CYS1: variants seen among roughly 807,000 people sequenced by gnomAD.
The protein encoded by CYS1 is cystin 1.
Under a neutral mutation model 9.6 loss-of-function variants are expected in CYS1, and 5 were observed. The ratio of observed to expected loss-of-function variants is 0.52; its 90% CI spans 0.27 to 1.10. The LOEUF is 1.10. Ranked by LOEUF, CYS1 falls within the 50% of genes least tolerant of loss-of-function variation. The probability of loss-of-function intolerance (pLI) is 0.11; values close to 1 mark genes in which losing one functional copy is unlikely to be tolerated. For synonymous variants in CYS1, 88 were observed against 95.7 expected (o/e 0.92, Z 0.47); for missense variants, 221 against 207.9 (o/e 1.06, Z -0.39).
In CYS1 at chr2:10,080,317, G is replaced by T; in HGVS notation, c.-94C>A. ...CTAGGGGGTGCGGCCGGGGCGGGCT[G>T]CAGGGGGAGGCGCGGGGCGAGGTCC... On this transcript the variant is annotated 5_prime_UTR_variant, in exon 1 of 3. Coordinates refer to ENST00000381813, the MANE Select transcript of CYS1 (RefSeq NM_001037160.3). The surrounding 1 kb of genome is among the most constrained non-coding windows in gnomAD (Gnocchi z 6.4). 1 of 786,398 alleles carries T rather than the reference G, an allele frequency of 1.3e-6. No homozygotes were observed. The highest frequency in any genetic ancestry group is 1.5e-6 in the Non-Finnish European group (1 of 645,480). The allele number at this position is 786,398 out of a possible 1,614,324, so 48.7% of individuals were successfully genotyped here. A position where few individuals can be genotyped will look rare whatever the true frequency, so the allele number is the denominator to read the frequency against.
intron 1 of CYS1, 109 bp downstream of exon 1, chr2:10,079,797 A>G (rs1215065296): frequency 1.5e-5 from 10 of 658,030 alleles, no homozygotes; most frequent in Non-Finnish European, 1.9e-5. Flanking sequence ...CGCAAGTCGG[A>G]GGCTGGAAGG....
chr2:10,070,592 C>T (rs11677388), intron 1 of CYS1, among the ~76,000 whole-genome samples: 58,319 of 151,860 alleles, frequency 0.38, 11,742 homozygotes, highest in East Asian at 0.61. Flanking sequence ...GTGATCCACT[C>T]GCTTCAGCCT....
rs182884229 is a variant in CYS1, at chr2:10,065,950, C to T, written c.325G>A (p.Ala109Thr). Residue 109 changes from alanine (A) to threonine (T), a missense_variant, in exon 2 of 3, where the codon GCA (alanine) becomes ACA (threonine). Ala to Thr is a moderately conservative substitution (Grantham distance 58, BLOSUM62 0). Transcript: ENST00000381813. ...PTAVAGSAVC[A>T]EQSTEGHPGS... ...GGGTGGCCCTCTGTGCTCTGCTCTG[C>T]GCACACCTTGAGAAAGATGAAATGA... 6.7e-5 allele frequency: 108 copies of T among 1,614,178 alleles called. 1 individual carries two copies. The Admixed American group carries it at 8.8e-4, about 13-fold the overall frequency.
chr2:10,065,846 T>G, intron 2 of CYS1, 58 bp downstream of exon 2: 3 of 1,570,406 alleles, frequency 1.9e-6, no homozygotes, highest in Non-Finnish European at 1.8e-6. Flanking sequence ...TGAGGCTGGC[T>G]GGAGTCAACA....
intron 1 of CYS1, among the ~76,000 whole-genome samples, chr2:10,071,406 G>A (rs1247456841): frequency 1.3e-5 from 2 of 152,176 alleles, no homozygotes; most frequent in Admixed American, 1.3e-4. Flanking sequence ...CTGGCGTAGG[G>A]ACCTGACTTT....
At chr2:10,077,012 C>T (rs1661853012) in intron 1 of CYS1, among the ~76,000 whole-genome samples, 1 of 152,196 alleles carries the variant, frequency 6.6e-6, no homozygotes, top group Non-Finnish European at 1.5e-5. Flanking sequence ...AAACCTGCCC[C>T]TTCCACATTT....
intron 2 of CYS1, among the ~76,000 whole-genome samples, chr2:10,065,191 C>T (rs1332128091): frequency 6.6e-6 from 1 of 152,216 alleles, no homozygotes; most frequent in Admixed American, 6.5e-5. Flanking sequence ...TAGGACCTCC[C>T]AGTGTCTGTT....
chr2:10,079,994 A>G lies in CYS1; in HGVS notation c.230T>C (p.Leu77Pro). 1 of 1,091,622 alleles carries G rather than the reference A, an allele frequency of 9.2e-7. No homozygotes were observed. Among genetic ancestry groups the G allele is most frequent in the Non-Finnish European group, 1.1e-6 (1 of 899,466 alleles). The allele number at this position is 1,091,622 out of a possible 1,614,324, so 67.6% of individuals were successfully genotyped here. The change falls in exon 1 of 3, where the codon CTG becomes CCG. Residue 77 changes from leucine (L) to proline (P), a missense_variant. By Grantham distance (98) the Leu-to-Pro change is moderately conservative. Coordinates refer to ENST00000381813, the MANE Select transcript of CYS1 (RefSeq NM_001037160.3). ...RDETLRLLDE[L>P]LAESAAWGPP... ...GCCCCAGGCCGCCGACTCGGCCAGC[A>G]GCTCGTCCAGCAGGCGCAGCGTCTC... is the stretch of plus-strand genomic sequence containing the variant.
At chr2:10,074,416 CT>C in intron 1 of CYS1, among the ~76,000 whole-genome samples, 1 of 152,202 alleles carries the variant, frequency 6.6e-6, no homozygotes, top group African/African-American at 2.4e-5. Flanking sequence ...ACCTGGATTC[CT>C]CCCTTACCTG....
intron 2 of CYS1, among the ~76,000 whole-genome samples, chr2:10,059,876 T>C (rs2125286833): frequency 6.6e-6 from 1 of 152,298 alleles, no homozygotes; most frequent in South Asian, 2.1e-4. Flanking sequence ...AGACCAGAGC[T>C]CCTGCTCCTG....
chr2:10,067,406 CTTTTTT>C (rs34525296), intron 1 of CYS1, among the ~76,000 whole-genome samples: 5 of 118,112 alleles, frequency 4.2e-5, no homozygotes, highest in Non-Finnish European at 8.5e-5. Context: ...AAATTCTTTT[CTTTTTT>C]TTTTTTTTTT....
At chr2:10,075,671 C>T (rs978657483) in intron 1 of CYS1, among the ~76,000 whole-genome samples, 1 of 152,146 alleles carries the variant, frequency 6.6e-6, no homozygotes, top group African/African-American at 2.4e-5. Flanking sequence ...GCTGGGGTAA[C>T]AGGCAAGAAA....
chr2:10,077,959 A>C (rs914956042), intron 1 of CYS1, among the ~76,000 whole-genome samples: 2 of 152,010 alleles, frequency 1.3e-5, no homozygotes, highest in African/African-American at 4.8e-5. Flanking sequence ...AAAATACAAA[A>C]ATTGGGCGTG....
intron 2 of CYS1, among the ~76,000 whole-genome samples, chr2:10,065,107 C>G (rs1346598037): frequency 6.6e-6 from 1 of 152,136 alleles, no homozygotes; most frequent in Non-Finnish European, 1.5e-5. Context: ...TTTCCCGAGA[C>G]CATGCCCCTC....
rs990926219 is a variant in CYS1 at position 10,058,731 on chromosome 2, T to C, written c.*122A>G. The stretch of plus-strand genomic sequence containing the variant: ...GAAAGTGGATTTGAAAGGGCAGCTT[T>C]GAATATCCGGGAGTGACTGCGTTTT... On this transcript the variant is annotated 3_prime_UTR_variant, in exon 3 of 3. Coordinates refer to ENST00000381813, the MANE Select transcript of CYS1 (RefSeq NM_001037160.3). 1 of 817,512 alleles carries C rather than the reference T, an allele frequency of 1.2e-6. No individual in the cohort carries two copies. Among genetic ancestry groups the C allele is most frequent in the Non-Finnish European group, 1.9e-6 (1 of 539,088 alleles). The allele number at this position is 817,512 out of a possible 1,614,324, so 50.6% of individuals were successfully genotyped here. A position where few individuals can be genotyped will look rare whatever the true frequency, so the allele number is the denominator to read the frequency against.
chr2:10,079,740 G>A (rs1661912299), intron 1 of CYS1, among the ~76,000 whole-genome samples, 166 bp downstream of exon 1: 1 of 151,928 alleles, frequency 6.6e-6, no homozygotes, highest in Non-Finnish European at 1.5e-5. Flanking sequence ...CAGAGAGGGA[G>A]GAAACCTGGG....
intron 2 of CYS1, among the ~76,000 whole-genome samples, chr2:10,062,983 C>G (rs937265600): frequency 1.3e-5 from 2 of 152,218 alleles, no homozygotes; most frequent in Non-Finnish European, 2.9e-5. Flanking sequence ...GACTTCAGGT[C>G]AGGATGGCCC....
chr2:10,078,896 C>A (rs2125293050), intron 1 of CYS1, among the ~76,000 whole-genome samples: 1 of 152,334 alleles, frequency 6.6e-6, no homozygotes, highest in East Asian at 1.9e-4. Flanking sequence ...CTCTCATTTT[C>A]ACCTCCGAGT....
chr2:10,064,126 G>A (rs1359179767), intron 2 of CYS1, among the ~76,000 whole-genome samples: 2 of 152,162 alleles, frequency 1.3e-5, no homozygotes, highest in African/African-American at 4.8e-5. Context: ...GGGAGGCTGA[G>A]GCAGGAGAAT....
Sources: allele counts gnomAD v4.1 joint callset (sites outside exome capture counted in the v4.1 genomes callset), GRCh38; gene constraint gnomAD v4.1.1; non-coding constraint Gnocchi (gnomAD v3.1); transcripts MANE v1.5; gene names NCBI Gene and HGNC (gene_info 2026-07-23, HGNC 2026-07-21).